NRXN1: variants seen among roughly 807,000 people sequenced by gnomAD.
NRXN1 encodes neurexin 1.
In NRXN1, 39 loss-of-function variants were observed where a neutral mutation model predicts 150.9. The ratio of observed to expected loss-of-function variants is 0.26; its 90% CI spans 0.20 to 0.34. The LOEUF (loss-of-function observed/expected upper bound fraction) is 0.34. Among genes scored for constraint, NRXN1 ranks in the 10% least tolerant of loss-of-function variants. NRXN1 has a pLI of 1.00. For synonymous variants in NRXN1, 924 were observed against 757.0 expected, an observed-to-expected ratio of 1.22 and a Z score of -3.62; for missense variants, 1,815 against 1,949.9, an observed-to-expected ratio of 0.93 and a Z score of 1.30.
Position 50,145,509 on chromosome 2 carries a change from C to G in NRXN1, c.3547-54015G>C, listed in dbSNP as rs78112402. Among the ~76,000 whole-genome samples the G allele has an allele frequency of 9.0e-4, 137 of 151,816 alleles. 1 individual carries two copies. The highest frequency in any genetic ancestry group is 3.3e-3 in the African/African-American group (135 of 41,494). Reference sequence around the variant, plus strand: ...ATTTCCCCATTTCCTGTCAATTGATCCAGAAATATCTTCACGCTATCTCCC... The same window carrying G: ...ATTTCCCCATTTCCTGTCAATTGATGCAGAAATATCTTCACGCTATCTCCC... On this transcript the variant is annotated intron_variant, in intron 18 of 22. Coordinates refer to ENST00000401669, the MANE Select transcript of NRXN1 (RefSeq NM_001330078.2).
At chr2:50,684,328 C>A (rs776623408) in intron 5 of NRXN1, among the ~76,000 whole-genome samples, 1 of 151,868 alleles carries the variant, frequency 6.6e-6, no homozygotes, top group Non-Finnish European at 1.5e-5. Flanking sequence ...CAAGTTGAAA[C>A]CCCGTCACTA....
At chr2:50,462,547 G>C (rs2104620856) in intron 17 of NRXN1, among the ~76,000 whole-genome samples, 1 of 151,892 alleles carries the variant, frequency 6.6e-6, no homozygotes, top group African/African-American at 2.4e-5. Context: ...AAGAAAACTT[G>C]AAGAGGTGAG....
At chr2:50,551,532 C>G (rs1044048825) in intron 9 of NRXN1, 38 of 152,062 alleles carry the variant, frequency 2.5e-4, no homozygotes, top group African/African-American at 7.5e-4. Context: ...TCTGAAAGAC[C>G]ATGGTTATCA....
intron 10 of NRXN1, among the ~76,000 whole-genome samples, chr2:50,533,741 C>A (rs2093179200): frequency 6.6e-6 from 1 of 152,074 alleles, no homozygotes; most frequent in Non-Finnish European, 1.5e-5. Context: ...TCAGTGAGCT[C>A]CAGATACACC....
intron 5 of NRXN1, among the ~76,000 whole-genome samples, chr2:50,702,118 T>G (rs934320945): frequency 6.6e-6 from 1 of 152,112 alleles, no homozygotes; most frequent in African/African-American, 2.4e-5. Flanking sequence ...AATAAAAGCA[T>G]TACATGGTCA....
Position 50,346,450 on chromosome 2 carries a change from T to C in NRXN1, c.3365-109480A>G, listed in dbSNP as rs983723595. Among the ~76,000 whole-genome samples the C allele has an allele frequency of 3.3e-5, 5 of 151,808 alleles. No individual in the cohort carries two copies. Among genetic ancestry groups the C allele is most frequent in the Admixed American group, 3.3e-4 (5 of 15,256 alleles). On this transcript the variant is annotated intron_variant, in intron 17 of 22. Transcript: ENST00000401669. The surrounding 1 kb of genome is among the most constrained non-coding windows in gnomAD (Gnocchi z 5.0). ...GTCCTTTAGTAGGTGTCCACATCTC[T>C]CTCCCAGTACCTCGACAAGGAACGC... is the stretch of plus-strand genomic sequence containing the variant.
chr2:51,004,483 T>C (rs1488507371), intron 2 of NRXN1, among the ~76,000 whole-genome samples: 1 of 151,826 alleles, frequency 6.6e-6, no homozygotes, highest in East Asian at 1.9e-4. Flanking sequence ...TTCAGAAAAC[T>C]AGGCTTTATG....
chr2:50,602,495 A>G (rs1676436900), intron 8 of NRXN1, among the ~76,000 whole-genome samples: 2 of 152,058 alleles, frequency 1.3e-5, no homozygotes, highest in Admixed American at 1.3e-4. Context: ...TCTTTTCCAG[A>G]ATCAACAATC....
intron 22 of NRXN1, among the ~76,000 whole-genome samples, chr2:49,925,532 T>A (rs557618484): frequency 6.6e-6 from 1 of 152,220 alleles, no homozygotes; most frequent in East Asian, 1.9e-4. Flanking sequence ...TTGTTCAAAA[T>A]TTATATAAAA....
intron 12 of NRXN1, chr2:50,506,982 T>A: frequency 5.9e-6 from 1 of 169,360 alleles, no homozygotes; most frequent in Non-Finnish European, 1.3e-5. Context: ...CACACATTTT[T>A]AAAAATAAAT....
chr2:50,894,785 T>C (rs1681667570), intron 5 of NRXN1, among the ~76,000 whole-genome samples: 2 of 152,306 alleles, frequency 1.3e-5, no homozygotes, highest in African/African-American at 4.8e-5. Context: ...ATTTGAGGAA[T>C]GCTGTTTCTA....
intron 15 of NRXN1, among the ~76,000 whole-genome samples, chr2:50,480,361 C>T (rs1258431507): frequency 6.6e-6 from 1 of 152,124 alleles, no homozygotes; most frequent in African/African-American, 2.4e-5. Flanking sequence ...AAATTTGAGC[C>T]TATCCTGGCC....
chr2:50,561,812 C>T (rs1008581844), intron 8 of NRXN1, among the ~76,000 whole-genome samples: 3 of 150,654 alleles, frequency 2.0e-5, no homozygotes, highest in African/African-American at 7.3e-5. Context: ...TTTAGAAAGA[C>T]ACTGAACAAG....
intron 18 of NRXN1, among the ~76,000 whole-genome samples, chr2:50,157,034 C>A (rs1330959522): frequency 6.6e-6 from 1 of 151,960 alleles, no homozygotes; most frequent in Non-Finnish European, 1.5e-5. Context: ...TAACCATCTT[C>A]TTAAGTAGGT....
chr2:50,704,998 T>G (rs1429686640), intron 5 of NRXN1, among the ~76,000 whole-genome samples: 1 of 151,716 alleles, frequency 6.6e-6, no homozygotes, highest in African/African-American at 2.4e-5. Flanking sequence ...GTTATGCAGC[T>G]TAATAACTTA....
chr2:49,981,540 C>T (rs1429152338), intron 21 of NRXN1, among the ~76,000 whole-genome samples: 2 of 151,924 alleles, frequency 1.3e-5, no homozygotes, highest in Admixed American at 6.6e-5. Flanking sequence ...AAATCCTCTT[C>T]CCCCCCACTT....
At chr2:50,438,233 C>T (rs1416092975) in intron 17 of NRXN1, among the ~76,000 whole-genome samples, 3 of 152,148 alleles carry the variant, frequency 2.0e-5, no homozygotes, top group African/African-American at 7.2e-5. Context: ...TAGAAGTTAA[C>T]TGAGTGTACA....
At chr2:50,318,394 C>T (rs1245547733) in intron 17 of NRXN1, among the ~76,000 whole-genome samples, 1 of 152,100 alleles carries the variant, frequency 6.6e-6, no homozygotes, top group East Asian at 1.9e-4. Context: ...GTTACATGTG[C>T]ATCCTGTATG....
intron 5 of NRXN1, among the ~76,000 whole-genome samples, chr2:50,840,763 A>C (rs770389150): frequency 1.3e-5 from 2 of 152,164 alleles, no homozygotes; most frequent in Non-Finnish European, 2.9e-5. Context: ...CACTCTATAG[A>C]AATCTCATGT....
Sources: allele counts gnomAD v4.1 joint callset (sites outside exome capture counted in the v4.1 genomes callset), GRCh38; gene constraint gnomAD v4.1.1; non-coding constraint Gnocchi (gnomAD v3.1); transcripts MANE v1.5; gene names NCBI Gene and HGNC (gene_info 2026-07-23, HGNC 2026-07-21).